TPD52L3: variants seen among roughly 807,000 people sequenced by gnomAD.
The protein encoded by TPD52L3 is tumor protein D55.
Under a neutral mutation model 8.7 loss-of-function variants are expected in TPD52L3, and 12 were observed. The observed-to-expected ratio is 1.38, with a 90% CI of 0.89 to 2.24. The LOEUF is 2.24. Ranked by LOEUF, TPD52L3 falls within the 30% of genes most tolerant of loss-of-function variation. The probability of loss-of-function intolerance (pLI) is 0.00; values close to 1 mark genes in which losing one functional copy is unlikely to be tolerated. For synonymous variants in TPD52L3, 79 were observed against 66.8 expected (o/e 1.18, Z -0.89); for missense variants, 207 against 158.7 (o/e 1.30, Z -1.64).
At position 6,328,786 on chromosome 9, in the gene TPD52L3, T is replaced by TA. The variant is rs1224197868; in HGVS notation, c.192dup (p.Gly65ArgfsTer18). 1.9e-6 allele frequency: 3 copies of TA among 1,614,122 alleles called. No individual in the cohort carries two copies. The highest frequency in any genetic ancestry group is 1.7e-6 in the Non-Finnish European group (2 of 1,180,012). ...CGCTGTGGGGAACTCAAGAGGAAGTTAGGCCTCACCGCCTTGGTAGGGCTG... is the reference window on the plus strand; with the variant it reads ...CGCTGTGGGGAACTCAAGAGGAAGTTAAGGCCTCACCGCCTTGGTAGGGCTG... On this transcript the variant is annotated frameshift_variant, in exon 1 of 2. Transcript: ENST00000314556. LOFTEE classifies it high-confidence loss of function.
At chr9:6,330,670 A>C in intron 1 of TPD52L3, 1 of 1,207,586 alleles carries the variant, frequency 8.3e-7, no homozygotes, top group East Asian at 3.9e-5. Flanking sequence ...ACTATTTTGC[A>C]TGTTCGATTT....
Position 6,330,286 on chromosome 9 carries a change from C to T in TPD52L3, c.368-690C>T, listed in dbSNP as rs571144479. The stretch of plus-strand genomic sequence containing the variant: ...AATTTTCTGATATCTGATTTTCACA[C>T]GAATATACTTTTTGTTTGTTTTCCT... On this transcript the variant is annotated intron_variant, in intron 1 of 1. Transcript: ENST00000314556. 17 of 1,577,776 alleles carry T rather than the reference C, an allele frequency of 1.1e-5. No individual in the cohort carries two copies. In the East Asian group the frequency reaches 1.1e-4, roughly 10 times the overall value.
chr9:6,328,548 C>G lies in TPD52L3; in HGVS notation c.-48C>G, dbSNP rs369317872. ...AGCCCAATAATTCGACTCTTTCTAC[C>G]AAGAATTGGACCTGGACTCTCTTAA... is the stretch of plus-strand genomic sequence containing the variant. On this transcript the variant is annotated 5_prime_UTR_variant, in exon 1 of 2. Transcript: ENST00000314556. 13 of 1,574,914 alleles carry G rather than the reference C, an allele frequency of 8.3e-6. No individual in the cohort carries two copies. The highest frequency in any genetic ancestry group is 1.7e-4 in the Middle Eastern group (1 of 5,884).
Position 6,331,069 on chromosome 9 carries a change from C to G in TPD52L3, c.*50C>G, listed in dbSNP as rs73402503. 5,613 of 1,569,850 alleles carry G rather than the reference C, an allele frequency of 3.6e-3. 178 individuals carry two copies. In the African/African-American group the frequency reaches 0.069, roughly 19 times the overall value. On this transcript the variant is annotated 3_prime_UTR_variant, in exon 2 of 2. Coordinates refer to ENST00000314556, the MANE Select transcript of TPD52L3 (RefSeq NM_001001874.3). ...ATGGAATCCAAGAGACTATCAACAA[C>G]ATGAACTTGTTCACAAGTTCCTTCT...
chr9:6,329,405 A>G (rs768420245), intron 1 of TPD52L3: 12 of 1,063,888 alleles, frequency 1.1e-5, no homozygotes, highest in Non-Finnish European at 1.4e-5. Flanking sequence ...GAAATGTGCC[A>G]TTATATTAGC....
chr9:6,329,771 G>A (rs1052693936), intron 1 of TPD52L3: 24 of 1,016,658 alleles, frequency 2.4e-5, no homozygotes, highest in African/African-American at 1.0e-4. Context: ...TGTAAAACTC[G>A]TTTGTTTTCA....
chr9:6,331,065 A>G lies in TPD52L3; in HGVS notation c.*46A>G, dbSNP rs771118380. 14 of 1,578,190 alleles carry G rather than the reference A, an allele frequency of 8.9e-6. 1 individual carries two copies. The South Asian group carries it at 1.6e-4, about 18-fold the overall frequency. ...AAATATGGAATCCAAGAGACTATCA[A>G]CAACATGAACTTGTTCACAAGTTCC... is the stretch of plus-strand genomic sequence containing the variant. On this transcript the variant is annotated 3_prime_UTR_variant, in exon 2 of 2. Coordinates refer to ENST00000314556, the MANE Select transcript of TPD52L3 (RefSeq NM_001001874.3).
chr9:6,329,919 C>G (rs1818112914), intron 1 of TPD52L3: 3 of 1,288,742 alleles, frequency 2.3e-6, no homozygotes, highest in Admixed American at 3.9e-5. Flanking sequence ...AAAGTTTAAC[C>G]CTTGAAGCAG....
intron 1 of TPD52L3, chr9:6,330,498 CT>C: frequency 8.0e-7 from 1 of 1,255,832 alleles, no homozygotes; most frequent in Non-Finnish European, 1.0e-6. Context: ...GTTTTGTTGA[CT>C]CTTGAATGCT....
At chr9:6,330,199 G>A in intron 1 of TPD52L3, 2 of 1,614,080 alleles carry the variant, frequency 1.2e-6, no homozygotes, top group South Asian at 1.1e-5. Context: ...TAAAGGAGAA[G>A]GAAGCAGAAT....
rs138795326 is a variant in TPD52L3, at chr9:6,328,643, C to G, written c.48C>G (p.His16Gln). ...TETSVGTYES[H>Q]STSELEDLTE... ...CCTCTGTGGGCACATATGAATCCCA[C>G]TCGACTTCTGAACTGGAGGATCTGA... The change falls in exon 1 of 2, where the codon CAC becomes CAG. Residue 16 changes from histidine to glutamine, a missense_variant. Coordinates refer to ENST00000314556, the MANE Select transcript of TPD52L3 (RefSeq NM_001001874.3). The G allele has an allele frequency of 1.3e-5, 21 of 1,614,024 alleles. No homozygotes were observed. The African/African-American group carries it at 2.8e-4, about 22-fold the overall frequency.
At chr9:6,330,562 T>G in intron 1 of TPD52L3, 3 of 1,173,920 alleles carry the variant, frequency 2.6e-6, no homozygotes, top group Middle Eastern at 3.6e-4. Context: ...CCACTATAAA[T>G]ACAAAAGCAT....
Position 6,329,970 on chromosome 9 carries a change from A to G in TPD52L3, c.368-1006A>G, listed in dbSNP as rs1818114204. The G allele has an allele frequency of 3.0e-6, 4 of 1,322,406 alleles. No homozygotes were observed. In the African/African-American group the frequency reaches 4.5e-5, roughly 15 times the overall value. 81.9% of individuals were successfully genotyped at this position (1,322,406 alleles called of 1,614,324 possible). On this transcript the variant is annotated intron_variant, in intron 1 of 1. Transcript: ENST00000314556. Reference sequence around the variant, plus strand: ...GCAGCACTTCACTTAAAAGGAAGAAATTGCCTCTCTGGCAGCAATTCCTAG... The same window carrying G: ...GCAGCACTTCACTTAAAAGGAAGAAGTTGCCTCTCTGGCAGCAATTCCTAG...
At chr9:6,330,671 T>G in intron 1 of TPD52L3, 1 of 1,207,286 alleles carries the variant, frequency 8.3e-7, no homozygotes, top group Non-Finnish European at 1.0e-6. Context: ...CTATTTTGCA[T>G]GTTCGATTTT....
rs1393495956 is a variant in TPD52L3, at chr9:6,328,979, C to T, written c.367+17C>T. The T allele has an allele frequency of 6.2e-7, 1 of 1,614,164 alleles. No homozygotes were observed. The highest frequency in any genetic ancestry group is 1.1e-5 in the South Asian group (1 of 91,078). Reference sequence around the variant, plus strand: ...CTTTTGAAGGTCTGATGGGGACAATCAAGTCCAAAGTCTCAGGGGGCAAAA... The same window carrying T: ...CTTTTGAAGGTCTGATGGGGACAATTAAGTCCAAAGTCTCAGGGGGCAAAA... On this transcript the variant is annotated intron_variant, in intron 1 of 1. Coordinates refer to ENST00000314556, the MANE Select transcript of TPD52L3 (RefSeq NM_001001874.3).
chr9:6,329,433 T>TA, intron 1 of TPD52L3: 1 of 1,042,424 alleles, frequency 9.6e-7, no homozygotes, highest in Admixed American at 5.0e-5. Flanking sequence ...AGACTGTATC[T>TA]AATGGGCAAG....
At chr9:6,330,468 C>T (rs1024463012) in intron 1 of TPD52L3, 2 of 1,311,030 alleles carry the variant, frequency 1.5e-6, no homozygotes, top group African/African-American at 3.0e-5. Context: ...GTAATCCCTC[C>T]AGCCTAAGAG....
In TPD52L3 at chr9:6,331,520, A is replaced by T. The variant is rs1381657395; in HGVS notation, c.*501A>T. 5 of 152,428 alleles carry T rather than the reference A, an allele frequency of 3.3e-5. No homozygotes were observed. The highest frequency in any genetic ancestry group is 1.2e-4 in the African/African-American group (5 of 41,464). The allele number at this position is 152,428 out of a possible 1,614,324, so 9.4% of individuals were successfully genotyped here. A position where few individuals can be genotyped will look rare whatever the true frequency, so the allele number is the denominator to read the frequency against. ...TGAGTGAGGGAGGGGAAATGGTGTT[A>T]CGTGAGTAAGAAAAAATAAGCAGGG... On this transcript the variant is annotated 3_prime_UTR_variant, in exon 2 of 2. Transcript: ENST00000314556.
At position 6,331,159 on chromosome 9, in the gene TPD52L3, T is replaced by G; in HGVS notation, c.*140T>G. 1 of 821,572 alleles carries G rather than the reference T, an allele frequency of 1.2e-6. No individual in the cohort carries two copies. The highest frequency in any genetic ancestry group is 2.9e-5 in the Admixed American group (1 of 34,432). 50.9% of individuals were successfully genotyped at this position (821,572 alleles called of 1,614,324 possible). A position where few individuals can be genotyped will look rare whatever the true frequency, so the allele number is the denominator to read the frequency against. The stretch of plus-strand genomic sequence containing the variant: ...TGAGACCCTACTCTGTATCAAGAAC[T>G]GTCCCAGGTTCTGAAAGCATAGAAT... On this transcript the variant is annotated 3_prime_UTR_variant, in exon 2 of 2. Transcript: ENST00000314556.
Sources: gnomAD v4.1 joint callset for allele counts on GRCh38, gnomAD v4.1.1 for gene constraint, MANE v1.5 for transcripts, NCBI Gene and HGNC (gene_info 2026-07-23, HGNC 2026-07-21) for gene names.